Variants in TMEM163 observed in about 807,000 individuals in gnomAD.
The protein encoded by TMEM163 is transmembrane protein 163.
A neutral mutation model predicts 29.3 loss-of-function variants in TMEM163; 17 were observed. The ratio of observed to expected loss-of-function variants is 0.58; its 90% CI spans 0.40 to 0.87. The LOEUF (loss-of-function observed/expected upper bound fraction) is 0.87. Ranked by LOEUF, TMEM163 falls within the 40% of genes least tolerant of loss-of-function variation. The pLI, the probability that TMEM163 is intolerant of heterozygous loss-of-function variation, is 0.00. For missense variants in TMEM163, 303 were observed against 381.5 expected, an observed-to-expected ratio of 0.79 and a Z score of 1.71; for synonymous variants, 157 against 160.6, an observed-to-expected ratio of 0.98 and a Z score of 0.17.
At chr2:134,634,309 G>C (rs1016339886) in intron 2 of TMEM163, among the ~76,000 whole-genome samples, 2 of 152,078 alleles carry the variant, frequency 1.3e-5, no homozygotes, top group African/African-American at 4.8e-5. Flanking sequence ...CCAATTATGA[G>C]ACAAGGGACA....
At chr2:134,588,333 A>G (rs944455385) in intron 2 of TMEM163, among the ~76,000 whole-genome samples, 2 of 152,226 alleles carry the variant, frequency 1.3e-5, no homozygotes, top group African/African-American at 4.8e-5. Flanking sequence ...ATTCTGCAAT[A>G]AAGCCATCGT....
intron 2 of TMEM163, among the ~76,000 whole-genome samples, chr2:134,602,401 G>C (rs895465646): frequency 6.6e-6 from 1 of 152,106 alleles, no homozygotes; most frequent in African/African-American, 2.4e-5. Context: ...TAAGATGGTG[G>C]CATCATAAGG....
At chr2:134,624,812 G>A (rs1338647927) in intron 2 of TMEM163, among the ~76,000 whole-genome samples, 2 of 152,030 alleles carry the variant, frequency 1.3e-5, no homozygotes, top group East Asian at 3.9e-4. Flanking sequence ...AGGAGGCTGA[G>A]GCAGGAGAAT....
At chr2:134,606,478 C>T (rs1363862436) in intron 2 of TMEM163, among the ~76,000 whole-genome samples, 1 of 152,216 alleles carries the variant, frequency 6.6e-6, no homozygotes, top group Non-Finnish European at 1.5e-5. Context: ...ATCCCCTCCT[C>T]TTCGAGTCTC....
intron 5 of TMEM163, among the ~76,000 whole-genome samples, chr2:134,474,013 A>G (rs1400995339): frequency 6.6e-6 from 1 of 152,174 alleles, no homozygotes; most frequent in Non-Finnish European, 1.5e-5. Flanking sequence ...TTCCCAATTT[A>G]TTTCTGAGGC....
intron 5 of TMEM163, among the ~76,000 whole-genome samples, chr2:134,488,003 A>AT (rs57101772): frequency 0.12 from 17,269 of 149,888 alleles, 1,191 homozygotes; most frequent in South Asian, 0.2. Context: ...CACAATCTCC[A>AT]TTTAAAAAAA....
chr2:134,480,377 C>T (rs1244776345), intron 5 of TMEM163, among the ~76,000 whole-genome samples: 1 of 144,862 alleles, frequency 6.9e-6, no homozygotes, highest in Middle Eastern at 3.2e-3. Flanking sequence ...GTGAGGTGGT[C>T]CCTGACTGCA....
chr2:134,514,052 G>A lies in TMEM163; in HGVS notation c.459-11055C>T, dbSNP rs1680003562. Among the ~76,000 whole-genome samples, 11 of 152,200 alleles carry A rather than the reference G, an allele frequency of 7.2e-5. No individual in the cohort carries two copies. In the South Asian group the frequency reaches 2.3e-3, roughly 31 times the overall value. ...TGGAAGCATGCCGCGTCTTTCCAGG[G>A]CATTCTGCAGCCCTTAAGTAAGCCA... On this transcript the variant is annotated intron_variant, in intron 4 of 7. Coordinates refer to ENST00000281924, the MANE Select transcript of TMEM163 (RefSeq NM_030923.5).
intron 2 of TMEM163, among the ~76,000 whole-genome samples, chr2:134,647,909 G>A (rs528032875): frequency 6.6e-6 from 1 of 152,334 alleles, no homozygotes; most frequent in South Asian, 2.1e-4. Flanking sequence ...GCAGCATCTA[G>A]GAGGGTGCCC....
intron 4 of TMEM163, among the ~76,000 whole-genome samples, chr2:134,508,213 A>AG (rs1413226800): frequency 6.6e-6 from 1 of 152,218 alleles, no homozygotes; most frequent in Non-Finnish European, 1.5e-5. Flanking sequence ...TCAGATCAAA[A>AG]GAGCCAAACA....
chr2:134,623,316 A>G (rs1682780856), intron 2 of TMEM163, among the ~76,000 whole-genome samples: 1 of 152,192 alleles, frequency 6.6e-6, no homozygotes, highest in East Asian at 1.9e-4. Flanking sequence ...CCGAGTCTAC[A>G]TACCCAATCT....
At chr2:134,568,217 T>C (rs1202367505) in intron 2 of TMEM163, among the ~76,000 whole-genome samples, 2 of 151,956 alleles carry the variant, frequency 1.3e-5, no homozygotes, top group African/African-American at 2.4e-5. Flanking sequence ...ACAGGCCACA[T>C]AGAGAAACAA....
intron 5 of TMEM163, among the ~76,000 whole-genome samples, chr2:134,485,788 C>T (rs1001531031): frequency 2.0e-5 from 3 of 152,132 alleles, no homozygotes; most frequent in Non-Finnish European, 4.4e-5. Flanking sequence ...CAGAATCAAA[C>T]ACTTCTTCAG....
chr2:134,519,939 G>T (rs527552109), intron 4 of TMEM163, among the ~76,000 whole-genome samples: 1 of 151,278 alleles, frequency 6.6e-6, no homozygotes, highest in Non-Finnish European at 1.5e-5. Flanking sequence ...TCTGAAGACT[G>T]AGCAGATGAA....
At chr2:134,511,160 G>GGT (rs1553475813) in intron 4 of TMEM163, among the ~76,000 whole-genome samples, 4 of 149,802 alleles carry the variant, frequency 2.7e-5, no homozygotes, top group East Asian at 2.0e-4. Flanking sequence ...AGGCGGGGGG[G>GGT]GGTGCTGTTA....
chr2:134,510,715 G>A lies in TMEM163; in HGVS notation c.459-7718C>T, dbSNP rs187026665. Among the ~76,000 whole-genome samples, 14 of 152,254 alleles carry A rather than the reference G, an allele frequency of 9.2e-5. 1 individual carries two copies. The highest frequency in any genetic ancestry group is 2.2e-4 in the African/African-American group (9 of 41,534). On this transcript the variant is annotated intron_variant, in intron 4 of 7. Coordinates refer to ENST00000281924, the MANE Select transcript of TMEM163 (RefSeq NM_030923.5). ...ATCCAAGAGCAGGAAGTGAGGAGCC[G>A]GTAGTGAGTCTGTTTGGGGCTTGCC...
intron 5 of TMEM163, among the ~76,000 whole-genome samples, chr2:134,479,555 TCCCTGGG>T (rs1446898721): frequency 7.8e-4 from 118 of 152,228 alleles, no homozygotes; most frequent in African/African-American, 2.8e-3. Flanking sequence ...GAAACACACA[TCCCTGGG>T]GCCCCAAATC....
At chr2:134,493,937 G>A (rs1271387545) in intron 5 of TMEM163, among the ~76,000 whole-genome samples, 4 of 152,064 alleles carry the variant, frequency 2.6e-5, no homozygotes, top group African/African-American at 4.8e-5. Flanking sequence ...ATATGTGCAG[G>A]TCTATTTCTG....
chr2:134,568,211 G>A (rs1253426272), intron 2 of TMEM163, among the ~76,000 whole-genome samples: 1 of 152,072 alleles, frequency 6.6e-6, no homozygotes, highest in Non-Finnish European at 1.5e-5. Flanking sequence ...AAGTATACAG[G>A]CCACATAGAG....
Sources: allele counts gnomAD v4.1 joint callset (sites outside exome capture counted in the v4.1 genomes callset), GRCh38; gene constraint gnomAD v4.1.1; transcripts MANE v1.5; gene names NCBI Gene and HGNC (gene_info 2026-07-23, HGNC 2026-07-21).